The following CNTNAP2 variants were observed in gnomAD, a reference collection of about 807,000 sequenced individuals.
CNTNAP2 encodes the protein contactin associated protein 2, also known as contactin-associated protein-like 2.
In CNTNAP2, 98 loss-of-function variants were observed where a neutral mutation model predicts 155.2. The ratio of observed to expected loss-of-function variants is 0.63; its 90% CI spans 0.54 to 0.75. The LOEUF (loss-of-function observed/expected upper bound fraction) is 0.75. Ranked by LOEUF, CNTNAP2 falls within the 30% of genes least tolerant of loss-of-function variation. CNTNAP2 has a pLI of 0.00. For synonymous variants in CNTNAP2, 651 were observed against 631.2 expected (o/e 1.03, Z -0.47); for missense variants, 1,727 against 1,688.1 (o/e 1.02, Z -0.40).
chr7:147,011,102 G>C (rs1356579292), intron 3 of CNTNAP2, among the ~76,000 whole-genome samples: 1 of 151,844 alleles, frequency 6.6e-6, no homozygotes, highest in Non-Finnish European at 1.5e-5. Flanking sequence ...TTGTCAATGG[G>C]AGAACTGGCC....
At chr7:146,552,909 A>G (rs1313882410) in intron 1 of CNTNAP2, among the ~76,000 whole-genome samples, 1 of 152,072 alleles carries the variant, frequency 6.6e-6, no homozygotes, top group Non-Finnish European at 1.5e-5. Context: ...TCTTCATTCC[A>G]AAGGCCACTT....
intron 3 of CNTNAP2, among the ~76,000 whole-genome samples, chr7:146,860,378 A>G (rs754388818): frequency 1.3e-4 from 20 of 152,170 alleles, no homozygotes; most frequent in Non-Finnish European, 2.4e-4. Flanking sequence ...GGTAAGAGGA[A>G]CAGTGAATGC....
At chr7:147,771,242 G>C (rs555772428) in intron 13 of CNTNAP2, among the ~76,000 whole-genome samples, 1 of 152,204 alleles carries the variant, frequency 6.6e-6, no homozygotes, top group African/African-American at 2.4e-5. Context: ...AAACCATAAA[G>C]CTTTTAGAAG....
At chr7:146,273,893 T>G (rs1800123741) in intron 1 of CNTNAP2, among the ~76,000 whole-genome samples, 2 of 152,138 alleles carry the variant, frequency 1.3e-5, no homozygotes, top group African/African-American at 4.8e-5. Context: ...GTAAATACTA[T>G]AAAAATGGTA....
intron 3 of CNTNAP2, among the ~76,000 whole-genome samples, chr7:146,920,075 G>T (rs1345332417): frequency 6.6e-6 from 1 of 152,096 alleles, no homozygotes; most frequent in East Asian, 1.9e-4. Flanking sequence ...AGCCTGACAA[G>T]GGGAAATATT....
intron 1 of CNTNAP2, among the ~76,000 whole-genome samples, chr7:146,139,965 A>G (rs1797854411): frequency 1.3e-5 from 2 of 152,172 alleles, no homozygotes; most frequent in Non-Finnish European, 2.9e-5. Flanking sequence ...AGTTTTAGGT[A>G]TCTAGCATTT....
intron 21 of CNTNAP2, among the ~76,000 whole-genome samples, chr7:148,372,335 A>G (rs191776500): frequency 6.6e-6 from 1 of 152,174 alleles, no homozygotes; most frequent in East Asian, 1.9e-4. Context: ...GGCCTAGGAC[A>G]TTATACTACT....
intron 2 of CNTNAP2, among the ~76,000 whole-genome samples, chr7:146,779,373 G>T (rs1404935916): frequency 1.3e-5 from 2 of 152,158 alleles, no homozygotes; most frequent in Non-Finnish European, 2.9e-5. Context: ...AAGTAGCATA[G>T]CTAGGGAACA....
At chr7:148,299,334 A>T (rs1261557959) in intron 21 of CNTNAP2, among the ~76,000 whole-genome samples, 1 of 152,206 alleles carries the variant, frequency 6.6e-6, no homozygotes, top group Non-Finnish European at 1.5e-5. Context: ...AGAAGTAGCC[A>T]GGTGAAGAAA....
At chr7:146,410,419 A>C (rs1010943438) in intron 1 of CNTNAP2, among the ~76,000 whole-genome samples, 15 of 152,320 alleles carry the variant, frequency 9.8e-5, no homozygotes, top group African/African-American at 3.4e-4. Context: ...CAGAAACATA[A>C]GCAAACAGCA....
At chr7:146,200,266 C>T (rs538501744) in intron 1 of CNTNAP2, among the ~76,000 whole-genome samples, 3 of 152,130 alleles carry the variant, frequency 2.0e-5, no homozygotes, top group South Asian at 2.1e-4. Flanking sequence ...GAGGCTGAGG[C>T]GGGCGGATCA....
intron 15 of CNTNAP2, among the ~76,000 whole-genome samples, chr7:148,058,739 G>A (rs973345262): frequency 6.6e-6 from 1 of 152,108 alleles, no homozygotes. Context: ...GGAAGAAGGA[G>A]TACATGACCT....
intron 1 of CNTNAP2, among the ~76,000 whole-genome samples, chr7:146,459,800 A>G (rs12111939): frequency 0.59 from 88,824 of 151,802 alleles, 28,947 homozygotes; most frequent in South Asian, 0.81. Flanking sequence ...GTGAAACCCC[A>G]TCTCTACAAA....
At chr7:148,373,950 GCT>G (rs1270561405) in intron 21 of CNTNAP2, among the ~76,000 whole-genome samples, 1 of 152,176 alleles carries the variant, frequency 6.6e-6, no homozygotes, top group Non-Finnish European at 1.5e-5. Context: ...AAAGCATTAG[GCT>G]CTGTTTTCTG....
chr7:147,085,260 G>A (rs1023898375), intron 4 of CNTNAP2, among the ~76,000 whole-genome samples: 1 of 152,022 alleles, frequency 6.6e-6, no homozygotes, highest in African/African-American at 2.4e-5. Context: ...GTAGGTCAGG[G>A]GTTCCCAGCC....
chr7:147,984,729 C>T (rs1327192653), intron 15 of CNTNAP2, among the ~76,000 whole-genome samples: 2 of 150,994 alleles, frequency 1.3e-5, no homozygotes, highest in Non-Finnish European at 2.9e-5. Flanking sequence ...TGATTTCTCA[C>T]CCCCCAAAGG....
chr7:148,081,431 A>G (rs1803601150), intron 15 of CNTNAP2, among the ~76,000 whole-genome samples: 1 of 152,074 alleles, frequency 6.6e-6, no homozygotes, highest in Admixed American at 6.6e-5. Context: ...ATCGGCTGCC[A>G]GCACGGCTAG....
In CNTNAP2 at chr7:147,394,844, T is replaced by TGTGA. The variant is rs1480958284; in HGVS notation, c.1499-762_1499-761insAGTG. Reference sequence around the variant, plus strand: ...GTGTGTGTGTGTGTGTGTGTGTGTGTGTGTTTACTCTTGTTATTTACTCTT... The same window carrying TGTGA: ...GTGTGTGTGTGTGTGTGTGTGTGTGTGTGAGTGTTTACTCTTGTTATTTACTCTT... On this transcript the variant is annotated intron_variant, in intron 9 of 23. Transcript: ENST00000361727. Among the ~76,000 whole-genome samples the TGTGA allele has an allele frequency of 1.3e-4, 19 of 147,836 alleles. No homozygotes were observed. The South Asian group carries it at 3.9e-3, about 30-fold the overall frequency.
intron 1 of CNTNAP2, among the ~76,000 whole-genome samples, chr7:146,386,163 T>C (rs1795456925): frequency 6.6e-6 from 1 of 152,140 alleles, no homozygotes; most frequent in Non-Finnish European, 1.5e-5. Context: ...TACTAGTATT[T>C]CTGAATAAGT....
Sources: gnomAD v4.1 joint callset for allele counts (sites outside exome capture counted in the v4.1 genomes callset) on GRCh38, gnomAD v4.1.1 for gene constraint, MANE v1.5 for transcripts, NCBI Gene and HGNC (gene_info 2026-07-23, HGNC 2026-07-21) for gene names.